RAP1B: variants seen among roughly 807,000 people sequenced by gnomAD.
RAP1B encodes RAP1B, member of RAS oncogene family, also known as ras-related protein Rap-1b.
In RAP1B, 1 loss-of-function variant was observed where a neutral mutation model predicts 27.5. That is an observed-to-expected ratio of 0.04 (90% confidence interval 0.01 to 0.17). RAP1B has a LOEUF of 0.17. RAP1B is among the 10% of genes least tolerant of loss of function. The probability of loss-of-function intolerance (pLI) is 1.00; values close to 1 mark genes in which losing one functional copy is unlikely to be tolerated. For missense variants in RAP1B, 84 were observed against 214.8 expected (o/e 0.39, Z 3.81); for synonymous variants, 75 against 73.1 (o/e 1.03, Z -0.13).
chr12:68,641,592 CTG>C (rs1873006680), intron 1 of RAP1B, among the ~76,000 whole-genome samples: 1 of 152,106 alleles, frequency 6.6e-6, no homozygotes, highest in South Asian at 2.1e-4. Context: ...AGTGTAAAAG[CTG>C]TCAGTTACTT....
rs1230945046 is a variant in RAP1B at position 68,661,533 on chromosome 12, T to G, written c.*2284T>G. On this transcript the variant is annotated 3_prime_UTR_variant, in exon 8 of 8. Coordinates refer to ENST00000250559, the MANE Select transcript of RAP1B (RefSeq NM_001010942.3). ...CTAGAATTTATATTCTATTGAAGAG[T>G]TTCTCAGCCTCAGCACTATTGATGT... 6.6e-6 allele frequency: 1 copy of G among 151,188 alleles called. No individual in the cohort carries two copies. The highest frequency in any genetic ancestry group is 2.4e-5 in the African/African-American group (1 of 41,112). 9.4% of individuals were successfully genotyped at this position (151,188 alleles called of 1,614,324 possible).
intron 1 of RAP1B, among the ~76,000 whole-genome samples, chr12:68,620,789 T>C (rs1871336276): frequency 6.6e-6 from 1 of 152,058 alleles, no homozygotes; most frequent in Non-Finnish European, 1.5e-5. Flanking sequence ...GGTTTTGCCA[T>C]GTTGCCCAGG....
At chr12:68,627,578 G>T (rs985339902) in intron 1 of RAP1B, among the ~76,000 whole-genome samples, 2 of 151,980 alleles carry the variant, frequency 1.3e-5, no homozygotes, top group African/African-American at 4.8e-5. Context: ...CGTGACTTTT[G>T]TTTTACCCAC....
chr12:68,656,623 TCA>T, intron 6 of RAP1B, 174 bp downstream of exon 6: 2 of 642,892 alleles, frequency 3.1e-6, no homozygotes, highest in South Asian at 4.0e-5. Flanking sequence ...CAATACTATT[TCA>T]GTCTCTATTA....
In RAP1B at chr12:68,622,925, C is replaced by T. The variant is rs375712270; in HGVS notation, c.-27+11882C>T. Among the ~76,000 whole-genome samples the T allele has an allele frequency of 2.6e-5, 4 of 152,306 alleles. No individual in the cohort carries two copies. In the South Asian group the frequency reaches 8.3e-4, roughly 32 times the overall value. ...TAATCTTGCCCAGGCTAGTCTGGAA[C>T]TACTGGGCTCAAGGATCTTCCTGCC... On this transcript the variant is annotated intron_variant, in intron 1 of 7. Transcript: ENST00000250559.
intron 1 of RAP1B, among the ~76,000 whole-genome samples, chr12:68,611,265 C>T (rs1208578814): frequency 1.3e-5 from 2 of 149,292 alleles, no homozygotes; most frequent in Non-Finnish European, 3.0e-5. Flanking sequence ...GAGGAGCAGC[C>T]GCCGCCGCCG....
intron 7 of RAP1B, chr12:68,657,831 C>G (rs111521389): frequency 1.8e-4 from 28 of 159,246 alleles, no homozygotes; most frequent in African/African-American, 4.6e-4. Flanking sequence ...TTAAAACACA[C>G]ACACACACAC....
chr12:68,656,597 C>G (rs1389835331), intron 6 of RAP1B, 148 bp downstream of exon 6: 12 of 718,606 alleles, frequency 1.7e-5, no homozygotes, highest in Non-Finnish European at 2.1e-5. Context: ...TTAAATGTAT[C>G]TATGTAGTAA....
intron 1 of RAP1B, chr12:68,627,238 G>A: frequency 2.3e-6 from 3 of 1,320,258 alleles, no homozygotes; most frequent in African/African-American, 1.4e-5. Context: ...TGAAAGGACT[G>A]TCTCCAGGGT....
rs1193532352 is a variant in RAP1B at position 68,669,829 on chromosome 12, CA to C, written c.*10584del. The C allele has an allele frequency of 6.6e-6, 1 of 151,012 alleles. No homozygotes were observed. The highest frequency in any genetic ancestry group is 1.5e-5 in the Non-Finnish European group (1 of 67,946). 9.4% of individuals were successfully genotyped at this position (151,012 alleles called of 1,614,324 possible). On this transcript the variant is annotated 3_prime_UTR_variant, in exon 8 of 8. Transcript: ENST00000250559. ...AAAAGAAAAAAGAAAAGAAATTAAG[CA>C]AAATGATCTTAAAGTTCAAGTGAAA...
At chr12:68,613,797 A>T (rs544817689) in intron 1 of RAP1B, among the ~76,000 whole-genome samples, 1 of 152,260 alleles carries the variant, frequency 6.6e-6, no homozygotes, top group African/African-American at 2.4e-5. Context: ...AAGAGAGGAT[A>T]TTTGAAGAGA....
intron 1 of RAP1B, among the ~76,000 whole-genome samples, chr12:68,627,568 C>T (rs767019187): frequency 3.9e-5 from 6 of 152,124 alleles, no homozygotes; most frequent in African/African-American, 9.7e-5. Context: ...TTATTCCCAG[C>T]GTGACTTTTG....
At chr12:68,638,942 T>G (rs989724856) in intron 1 of RAP1B, among the ~76,000 whole-genome samples, 4 of 152,226 alleles carry the variant, frequency 2.6e-5, no homozygotes, top group African/African-American at 9.6e-5. Flanking sequence ...ATTACAGACA[T>G]GAGTCACCAC....
At chr12:68,635,884 A>G (rs770281348) in intron 1 of RAP1B, among the ~76,000 whole-genome samples, 1 of 124,940 alleles carries the variant, frequency 8.0e-6, no homozygotes, top group African/African-American at 3.3e-5. Context: ...TATACCCATG[A>G]AATTTTTTTT....
At chr12:68,611,785 G>T (rs1870614570) in intron 1 of RAP1B, among the ~76,000 whole-genome samples, 1 of 152,176 alleles carries the variant, frequency 6.6e-6, no homozygotes, top group African/African-American at 2.4e-5. Context: ...CTCTTAGAGG[G>T]AGAGAAAATC....
At chr12:68,638,457 C>T (rs1872772750) in intron 1 of RAP1B, among the ~76,000 whole-genome samples, 1 of 152,034 alleles carries the variant, frequency 6.6e-6, no homozygotes, top group Non-Finnish European at 1.5e-5. Context: ...ATGGATTTTC[C>T]CAGTTGTGCA....
At position 68,643,066 on chromosome 12, in the gene RAP1B, T is replaced by A. The variant is rs79986490; in HGVS notation, c.-26-5633T>A. ...CCTTTAACTTCTTGAAGGTTGTTCA[T>A]CTTAAAATTTCTTTCAGAGTTTTTC... On this transcript the variant is annotated intron_variant, in intron 1 of 7. Transcript: ENST00000250559. The A allele has an allele frequency of 5.4e-4, 363 of 670,372 alleles. No homozygotes were observed. The East Asian group carries it at 7.9e-3, about 15-fold the overall frequency. The allele number at this position is 670,372 out of a possible 1,614,324, so 41.5% of individuals were successfully genotyped here. A position where few individuals can be genotyped will look rare whatever the true frequency, so the allele number is the denominator to read the frequency against.
chr12:68,654,011 C>T, intron 4 of RAP1B, 101 bp from the exon 5 acceptor site: 3 of 959,978 alleles, frequency 3.1e-6, no homozygotes, highest in Non-Finnish European at 4.7e-6. Flanking sequence ...TTACATAATA[C>T]TACAGTATTC....
intron 1 of RAP1B, chr12:68,627,402 A>C: frequency 1.8e-6 from 1 of 568,544 alleles, no homozygotes; most frequent in Non-Finnish European, 3.2e-6. Context: ...ACACACAAAT[A>C]TACCCAATCC....
Sources: gnomAD v4.1 joint callset for allele counts (sites outside exome capture counted in the v4.1 genomes callset) on GRCh38, gnomAD v4.1.1 for gene constraint, MANE v1.5 for transcripts, NCBI Gene and HGNC (gene_info 2026-07-23, HGNC 2026-07-21) for gene names.